CAMTA1: variants seen among roughly 807,000 people sequenced by gnomAD.
CAMTA1 encodes calmodulin-binding transcription activator 1.
In CAMTA1, 27 loss-of-function variants were observed where a neutral mutation model predicts 170.9. That is an observed-to-expected ratio of 0.16 (90% CI 0.12 to 0.22). The LOEUF is 0.22. CAMTA1 is among the 10% of genes least tolerant of loss of function. CAMTA1 has a pLI of 1.00. For synonymous variants in CAMTA1, 833 were observed against 891.5 expected (o/e 0.93, Z 1.17); for missense variants, 1,619 against 2,217.2 (o/e 0.73, Z 5.42).
At chr1:7,643,769 C>T (rs1008269236) in intron 7 of CAMTA1, among the ~76,000 whole-genome samples, 2 of 152,260 alleles carry the variant, frequency 1.3e-5, no homozygotes, top group African/African-American at 4.8e-5. Flanking sequence ...AATTCCTTGG[C>T]TCGGGCGTGC....
chr1:6,830,681 A>G (rs1017773343), intron 3 of CAMTA1, among the ~76,000 whole-genome samples: 5 of 152,132 alleles, frequency 3.3e-5, no homozygotes, highest in African/African-American at 1.2e-4. Flanking sequence ...GTATTACAAT[A>G]TAAACTGCAC....
At position 7,195,005 on chromosome 1, in the gene CAMTA1, T is replaced by G. The variant is rs1655250723; in HGVS notation, c.303-54486T>G. ...GTGGAGCATCTCATGGACTAAAACG[T>G]GGTAAATTGTCAAACTTCTCAGAGT... On this transcript the variant is annotated intron_variant, in intron 4 of 22. Transcript: ENST00000303635. The surrounding 1 kb of genome is among the most constrained non-coding windows in gnomAD (Gnocchi z 4.1). Among the ~76,000 whole-genome samples the G allele has an allele frequency of 6.6e-6, 1 of 152,248 alleles. No homozygotes were observed. The highest frequency in any genetic ancestry group is 2.1e-4 in the South Asian group (1 of 4,826).
intron 20 of CAMTA1, among the ~76,000 whole-genome samples, chr1:7,751,853 C>T (rs2096900071): frequency 6.6e-6 from 1 of 152,088 alleles, no homozygotes; most frequent in Admixed American, 6.5e-5. Flanking sequence ...TATTTCTAAA[C>T]AGAACTTGTT....
At chr1:7,414,339 G>A (rs1309183132) in intron 5 of CAMTA1, among the ~76,000 whole-genome samples, 2 of 151,048 alleles carry the variant, frequency 1.3e-5, no homozygotes, top group Non-Finnish European at 3.0e-5. Context: ...AATGGTACCA[G>A]CTCCTCCTTG....
At chr1:7,418,819 C>G (rs946159046) in intron 5 of CAMTA1, among the ~76,000 whole-genome samples, 8 of 152,210 alleles carry the variant, frequency 5.3e-5, no homozygotes, top group Non-Finnish European at 1.2e-4. Flanking sequence ...CTGCCCACCT[C>G]CACCCCACTC....
intron 5 of CAMTA1, among the ~76,000 whole-genome samples, chr1:7,416,366 G>A (rs574499338): frequency 1.3e-5 from 2 of 152,294 alleles, no homozygotes; most frequent in African/African-American, 2.4e-5. Flanking sequence ...TTCCAACTTG[G>A]TTCCATTCTC....
At chr1:7,509,351 T>TCC (rs2094167985) in intron 6 of CAMTA1, among the ~76,000 whole-genome samples, 2 of 152,078 alleles carry the variant, frequency 1.3e-5, no homozygotes, top group Admixed American at 1.3e-4. Flanking sequence ...CAGAGCTGCC[T>TCC]TCCCCAGAGC....
At chr1:7,237,924 C>T (rs967270073) in intron 4 of CAMTA1, among the ~76,000 whole-genome samples, 2 of 152,242 alleles carry the variant, frequency 1.3e-5, no homozygotes, top group African/African-American at 4.8e-5. Flanking sequence ...GCACCTTACA[C>T]ACATCCTATT....
At chr1:7,006,011 G>A (rs905337139) in intron 3 of CAMTA1, among the ~76,000 whole-genome samples, 25 of 152,216 alleles carry the variant, frequency 1.6e-4, no homozygotes, top group Non-Finnish European at 3.5e-4. Context: ...AGAACAGAGA[G>A]GACAGGGAAG....
chr1:7,582,401 G>A (rs371702297), intron 6 of CAMTA1, among the ~76,000 whole-genome samples: 8 of 152,126 alleles, frequency 5.3e-5, no homozygotes, highest in East Asian at 1.9e-4. Flanking sequence ...GTCCATGAAC[G>A]AGTCTCCAGC....
At chr1:6,860,272 C>T (rs1664168975) in intron 3 of CAMTA1, among the ~76,000 whole-genome samples, 1 of 152,094 alleles carries the variant, frequency 6.6e-6, no homozygotes, top group African/African-American at 2.4e-5. Context: ...AGTATTCTCC[C>T]TAGATTTTCT....
chr1:6,901,935 C>T (rs957716026), intron 3 of CAMTA1, among the ~76,000 whole-genome samples: 1 of 151,676 alleles, frequency 6.6e-6, no homozygotes, highest in Non-Finnish European at 1.5e-5. Flanking sequence ...ATTCCAGCTA[C>T]TTGGGAGGCT....
chr1:7,251,187 C>T lies in CAMTA1; in HGVS notation c.438+1561C>T, dbSNP rs1205324415. Among the ~76,000 whole-genome samples the T allele has an allele frequency of 2.0e-5, 3 of 152,148 alleles. No individual in the cohort carries two copies. Among genetic ancestry groups the T allele is most frequent in the Non-Finnish European group, 2.9e-5 (2 of 68,026 alleles). On this transcript the variant is annotated intron_variant, in intron 5 of 22. Coordinates refer to ENST00000303635, the MANE Select transcript of CAMTA1 (RefSeq NM_015215.4). The surrounding 1 kb of genome is among the most constrained non-coding windows in gnomAD (Gnocchi z 5.1). ...AATACGTACATCAGGAACTTCTGCT[C>T]GTGAGTAACAGCCGGGTGGAATTCT... is the stretch of plus-strand genomic sequence containing the variant.
rs117931401 is a variant in CAMTA1 at position 6,954,379 on chromosome 1, C to T, written c.234+129169C>T. Among the ~76,000 whole-genome samples the T allele has an allele frequency of 2.2e-4, 33 of 152,224 alleles. No individual in the cohort carries two copies. The East Asian group carries it at 5.8e-3, about 27-fold the overall frequency. ...ATTGCTCGAGCTGTTGGGGTGTGGACGGGGGAAGCTCCAGCTTATTTATCC... is the reference window on the plus strand; with the variant it reads ...ATTGCTCGAGCTGTTGGGGTGTGGATGGGGGAAGCTCCAGCTTATTTATCC... On this transcript the variant is annotated intron_variant, in intron 3 of 22. Coordinates refer to ENST00000303635, the MANE Select transcript of CAMTA1 (RefSeq NM_015215.4).
At chr1:7,708,343 CAAA>C (rs1558184555) in intron 11 of CAMTA1, among the ~76,000 whole-genome samples, 1 of 150,502 alleles carries the variant, frequency 6.6e-6, no homozygotes, top group Non-Finnish European at 1.5e-5. Context: ...CAAAACAAAA[CAAA>C]GAATAGCCAG....
intron 3 of CAMTA1, among the ~76,000 whole-genome samples, chr1:6,909,050 T>A (rs1440429702): frequency 6.6e-6 from 1 of 152,244 alleles, no homozygotes; most frequent in East Asian, 1.9e-4. Flanking sequence ...ATAATCCTTT[T>A]AAAAATTTTT....
chr1:7,686,172 C>G (rs2149357054), intron 11 of CAMTA1, among the ~76,000 whole-genome samples: 1 of 152,176 alleles, frequency 6.6e-6, no homozygotes, highest in East Asian at 1.9e-4. Context: ...TCTGGGGAAT[C>G]CTTATTCTCC....
At chr1:7,152,423 C>T (rs1646629596) in intron 4 of CAMTA1, among the ~76,000 whole-genome samples, 4 of 152,150 alleles carry the variant, frequency 2.6e-5, no homozygotes, top group Admixed American at 1.3e-4. Flanking sequence ...CTTGGGCTCC[C>T]CCTCCAGCTT....
Position 7,293,259 on chromosome 1 carries a change from C to A in CAMTA1, c.438+43633C>A, listed in dbSNP as rs573877640. 6.6e-6 allele frequency among the ~76,000 whole-genome samples: 1 copy of A among 152,182 alleles called. No homozygotes were observed. The highest frequency in any genetic ancestry group is 2.4e-5 in the African/African-American group (1 of 41,452). ...GTCTGGGTGATGAGAGACCGCCACTCGTCTCCAGGAGCTCCCGCCAGAGGC... is the reference window on the plus strand; with the variant it reads ...GTCTGGGTGATGAGAGACCGCCACTAGTCTCCAGGAGCTCCCGCCAGAGGC... On this transcript the variant is annotated intron_variant, in intron 5 of 22. Coordinates refer to ENST00000303635, the MANE Select transcript of CAMTA1 (RefSeq NM_015215.4). This position sits in a 1 kb window ranked among gnomAD's most constrained non-coding sequence, Gnocchi z 4.1.
Sources: allele counts gnomAD v4.1 joint callset (sites outside exome capture counted in the v4.1 genomes callset), GRCh38; gene constraint gnomAD v4.1.1; non-coding constraint Gnocchi (gnomAD v3.1); transcripts MANE v1.5; gene names NCBI Gene and HGNC (gene_info 2026-07-23, HGNC 2026-07-21).